The following IL18R1 variants were observed in gnomAD, a reference collection of about 807,000 sequenced individuals.
IL18R1 encodes interleukin-18 receptor 1.
A neutral mutation model predicts 48.5 loss-of-function variants in IL18R1; 40 were observed. The ratio of observed to expected loss-of-function variants is 0.82; its 90% CI spans 0.64 to 1.07. The LOEUF is 1.07. Among genes scored for constraint, IL18R1 ranks in the 50% least tolerant of loss-of-function variants. The probability of loss-of-function intolerance (pLI) is 0.00; values close to 1 mark genes in which losing one functional copy is unlikely to be tolerated. For synonymous variants in IL18R1, 232 were observed against 225.9 expected, an observed-to-expected ratio of 1.03 and a Z score of -0.24; for missense variants, 596 against 633.7, an observed-to-expected ratio of 0.94 and a Z score of 0.64.
At position 102,397,144 on chromosome 2, in the gene IL18R1, T is replaced by C; in HGVS notation, c.*258T>C. Reference sequence around the variant, plus strand: ...TTTTTCTCCCTCTTTCATAACTGGATGCAGCTGCTCATACTCAATCCCATA... The same window carrying C: ...TTTTTCTCCCTCTTTCATAACTGGACGCAGCTGCTCATACTCAATCCCATA... On this transcript the variant is annotated 3_prime_UTR_variant, in exon 11 of 11. Coordinates refer to ENST00000233957, the MANE Select transcript of IL18R1 (RefSeq NM_003855.5). The C allele has an allele frequency of 2.4e-6, 1 of 409,166 alleles. No homozygotes were observed. The highest frequency in any genetic ancestry group is 4.3e-6 in the Non-Finnish European group (1 of 230,872). The allele number at this position is 409,166 out of a possible 1,614,324, so 25.3% of individuals were successfully genotyped here. A position where few individuals can be genotyped will look rare whatever the true frequency, so the allele number is the denominator to read the frequency against.
At chr2:102,362,756 G>C in intron 2 of IL18R1, 38 bp downstream of exon 2, 1 of 1,283,630 alleles carries the variant, frequency 7.8e-7, no homozygotes, top group Non-Finnish European at 1.1e-6. Flanking sequence ...TATTTCATGA[G>C]TAATTGAGGA....
chr2:102,396,943 T>C lies in IL18R1; in HGVS notation c.*57T>C, dbSNP rs1043096561. The C allele has an allele frequency of 9.7e-7, 1 of 1,035,548 alleles. No individual in the cohort carries two copies. Among genetic ancestry groups the C allele is most frequent in the Non-Finnish European group, 1.4e-6 (1 of 698,542 alleles). 64.1% of individuals were successfully genotyped at this position (1,035,548 alleles called of 1,614,324 possible). On this transcript the variant is annotated 3_prime_UTR_variant, in exon 11 of 11. Coordinates refer to ENST00000233957, the MANE Select transcript of IL18R1 (RefSeq NM_003855.5). The stretch of plus-strand genomic sequence containing the variant: ...CAAGATATTCTGGGGACTGAGCATA[T>C]GAACCTGTTCATAACAAAGGCTGTG...
chr2:102,360,303 A>G (rs1678497418), intron 1 of IL18R1, among the ~76,000 whole-genome samples: 1 of 152,194 alleles, frequency 6.6e-6, no homozygotes, highest in Non-Finnish European at 1.5e-5. Flanking sequence ...TTGCTCTGTC[A>G]CCTAGGCTGG....
chr2:102,373,869 T>G (rs1679416999), intron 4 of IL18R1: 1 of 340,506 alleles, frequency 2.9e-6, no homozygotes, highest in South Asian at 2.4e-5. Context: ...ATGCGAGGAA[T>G]CTATGTTGCA....
chr2:102,359,934 G>A (rs761121073), intron 1 of IL18R1, among the ~76,000 whole-genome samples: 2 of 152,174 alleles, frequency 1.3e-5, no homozygotes, highest in Non-Finnish European at 2.9e-5. Context: ...TCCAGGAGAT[G>A]GTATTATTAT....
intron 1 of IL18R1, among the ~76,000 whole-genome samples, chr2:102,358,133 C>G (rs1177177990): frequency 1.3e-5 from 2 of 152,158 alleles, no homozygotes; most frequent in Non-Finnish European, 2.9e-5. Flanking sequence ...TTGTGAATAG[C>G]TGTAATCTGA....
rs538669281 is a variant in IL18R1, at chr2:102,392,207, A to C, written c.1111+1990A>C. Among the ~76,000 whole-genome samples the C allele has an allele frequency of 1.8e-4, 28 of 152,328 alleles. No individual in the cohort carries two copies. The South Asian group carries it at 5.8e-3, about 32-fold the overall frequency. ...TAGAACTTTAAATTGAACAACATAAAATTAGCAAGGTTAGTGAATTTAGCT... is the reference window on the plus strand; with the variant it reads ...TAGAACTTTAAATTGAACAACATAACATTAGCAAGGTTAGTGAATTTAGCT... On this transcript the variant is annotated intron_variant, in intron 9 of 10. Transcript: ENST00000233957.
rs1032330285 is a variant in IL18R1 at position 102,356,359 on chromosome 2, A to T, written c.-70A>T. The T allele has an allele frequency of 2.0e-6, 2 of 984,992 alleles. No homozygotes were observed. Among genetic ancestry groups the T allele is most frequent in the Non-Finnish European group, 2.4e-6 (2 of 829,886 alleles). 61.0% of individuals were successfully genotyped at this position (984,992 alleles called of 1,614,324 possible). On this transcript the variant is annotated 5_prime_UTR_variant, in exon 1 of 11. Transcript: ENST00000233957. Reference sequence around the variant, plus strand: ...CAGTCGCGACCTGGCGTGAAGGAGGAGCTGCCGCCCCCGCCCCAGCCTCGG... The same window carrying T: ...CAGTCGCGACCTGGCGTGAAGGAGGTGCTGCCGCCCCCGCCCCAGCCTCGG...
intron 10 of IL18R1, 26 bp from the exon 11 acceptor site, chr2:102,396,505 T>A (rs771694733): frequency 7.4e-7 from 1 of 1,359,108 alleles, no homozygotes; most frequent in Non-Finnish European, 1.0e-6. Flanking sequence ...TATCTTAAAT[T>A]AATAGGGGTT....
chr2:102,397,455 C>G lies in IL18R1; in HGVS notation c.*569C>G, dbSNP rs556125002. On this transcript the variant is annotated 3_prime_UTR_variant, in exon 11 of 11. Coordinates refer to ENST00000233957, the MANE Select transcript of IL18R1 (RefSeq NM_003855.5). ...GGATGCATTTAATGTATCCTGGCCA[C>G]AGTTGCAGCCAACGGTTCTTGAAAG... The G allele has an allele frequency of 2.4e-4, 36 of 152,558 alleles. No individual in the cohort carries two copies. The highest frequency in any genetic ancestry group is 8.4e-4 in the African/African-American group (35 of 41,578). 9.5% of individuals were successfully genotyped at this position (152,558 alleles called of 1,614,324 possible).
chr2:102,381,788 A>G (rs974048960), intron 6 of IL18R1, 106 bp downstream of exon 6: 5 of 747,778 alleles, frequency 6.7e-6, no homozygotes, highest in Non-Finnish European at 6.9e-6. Flanking sequence ...TACACATTTC[A>G]TATTTACTGA....
chr2:102,357,229 A>G (rs1394509530), intron 1 of IL18R1, among the ~76,000 whole-genome samples: 2 of 152,192 alleles, frequency 1.3e-5, no homozygotes, highest in Admixed American at 1.3e-4. Flanking sequence ...TTGAAAAGGC[A>G]GGGTCTAAAT....
At chr2:102,388,292 G>A (rs1229182874) in intron 8 of IL18R1, among the ~76,000 whole-genome samples, 1 of 152,216 alleles carries the variant, frequency 6.6e-6, no homozygotes, top group African/African-American at 2.4e-5. Context: ...TCTGGGTGAA[G>A]TTCCTGCCAT....
At chr2:102,362,058 G>C (rs1245232849) in intron 1 of IL18R1, among the ~76,000 whole-genome samples, 1 of 152,234 alleles carries the variant, frequency 6.6e-6, no homozygotes, top group Non-Finnish European at 1.5e-5. Flanking sequence ...TGCTGGCCAT[G>C]TGCTAGGCAT....
At chr2:102,374,026 A>G (rs1426751415) in intron 4 of IL18R1, 5 of 378,514 alleles carry the variant, frequency 1.3e-5, no homozygotes, top group Non-Finnish European at 2.7e-5. Context: ...TATATATTAC[A>G]GTGTAATAAC....
intron 4 of IL18R1, 61 bp downstream of exon 4, chr2:102,372,179 A>G: frequency 1.5e-6 from 2 of 1,327,646 alleles, no homozygotes; most frequent in Non-Finnish European, 2.1e-6. Context: ...TTCCCAAATG[A>G]GGGGCTGAGA....
intron 4 of IL18R1, among the ~76,000 whole-genome samples, chr2:102,374,486 T>C (rs1487582334): frequency 6.6e-6 from 1 of 152,146 alleles, no homozygotes; most frequent in East Asian, 1.9e-4. Flanking sequence ...TGCTGAGTTT[T>C]AAGAAATTCC....
rs891545415 is a variant in IL18R1 at position 102,396,452 on chromosome 2, A to C, written c.1271-79A>C. 4.6e-5 allele frequency: 36 copies of C among 786,336 alleles called. No individual in the cohort carries two copies. In the Admixed American group the frequency reaches 9.5e-4, roughly 21 times the overall value. The allele number at this position is 786,336 out of a possible 1,614,324, so 48.7% of individuals were successfully genotyped here. On this transcript the variant is annotated intron_variant, in intron 10 of 10. Coordinates refer to ENST00000233957, the MANE Select transcript of IL18R1 (RefSeq NM_003855.5). ...TGAGGTTAGGAGTTAATATAAAATA[A>C]GACTGTGCAAAATGACTTTTATCTC...
At chr2:102,358,013 A>T (rs553119468) in intron 1 of IL18R1, among the ~76,000 whole-genome samples, 1 of 152,252 alleles carries the variant, frequency 6.6e-6, no homozygotes, top group African/African-American at 2.4e-5. Context: ...ATTAAAAAAA[A>T]ACTGGTGTTA....
Sources: gnomAD v4.1 joint callset for allele counts (sites outside exome capture counted in the v4.1 genomes callset) on GRCh38, gnomAD v4.1.1 for gene constraint, MANE v1.5 for transcripts, NCBI Gene and HGNC (gene_info 2026-07-23, HGNC 2026-07-21) for gene names.